AFG2A: variants seen among roughly 807,000 people sequenced by gnomAD.
AFG2A encodes the protein ATPase family gene 2 protein homolog A.
chr4:123,269,890 C>G, the AFG2A span, among the ~76,000 whole-genome samples: 87 of 152,190 alleles, frequency 5.7e-4, no homozygotes, highest in East Asian at 0.014. Flanking sequence ...CATCTCGGCT[C>G]ACGGCAACCT....
At chr4:123,181,140 G>A in the AFG2A span, among the ~76,000 whole-genome samples, 6 of 151,818 alleles carry the variant, frequency 4.0e-5, no homozygotes, top group Non-Finnish European at 7.4e-5. Context: ...ACCCGCCACC[G>A]CGCCTGGCTA....
At chr4:123,102,846 A>G in the AFG2A span, among the ~76,000 whole-genome samples, 2 of 132,514 alleles carry the variant, frequency 1.5e-5, no homozygotes, top group African/African-American at 5.8e-5. Context: ...GTGGTGTCAA[A>G]AAAGTATCTG....
the AFG2A span, among the ~76,000 whole-genome samples, chr4:123,246,513 A>G: frequency 6.6e-6 from 1 of 152,120 alleles, no homozygotes; most frequent in Non-Finnish European, 1.5e-5. Flanking sequence ...TAATGTAATT[A>G]TACCTGTGGA....
chr4:123,013,095 T>G, the AFG2A span, among the ~76,000 whole-genome samples: 1 of 151,400 alleles, frequency 6.6e-6, no homozygotes, highest in African/African-American at 2.4e-5. Context: ...AGGATTTGGG[T>G]AGGTAAAGGA....
the AFG2A span, among the ~76,000 whole-genome samples, chr4:122,962,980 A>C: frequency 2.6e-5 from 4 of 152,234 alleles, no homozygotes; most frequent in African/African-American, 9.6e-5. Flanking sequence ...TAGGTTTTGA[A>C]GATGAGGACA....
chr4:123,079,008 ATGT>A, the AFG2A span, among the ~76,000 whole-genome samples: 2 of 152,076 alleles, frequency 1.3e-5, no homozygotes, highest in Non-Finnish European at 1.5e-5. Context: ...TTGAGAAGTT[ATGT>A]TGTTATTACT....
the AFG2A span, among the ~76,000 whole-genome samples, chr4:123,305,219 C>G: frequency 5.3e-5 from 8 of 152,104 alleles, no homozygotes; most frequent in Non-Finnish European, 1.2e-4. Context: ...CCTTTGTTAC[C>G]CTTCCACCTT....
At chr4:123,064,781 A>G in the AFG2A span, among the ~76,000 whole-genome samples, 1 of 152,324 alleles carries the variant, frequency 6.6e-6, no homozygotes, top group African/African-American at 2.4e-5. Flanking sequence ...CCAAACTTCA[A>G]GTAGGACTAG....
chr4:123,101,107 A>T, the AFG2A span, among the ~76,000 whole-genome samples: 3 of 152,072 alleles, frequency 2.0e-5, no homozygotes, highest in African/African-American at 7.2e-5. Context: ...TATATATCTT[A>T]AATACCAAGA....
the AFG2A span, among the ~76,000 whole-genome samples, chr4:123,111,567 C>G: frequency 6.6e-6 from 1 of 152,004 alleles, no homozygotes; most frequent in African/African-American, 2.4e-5. Context: ...CTTTCTATGT[C>G]TTATCATGAA....
the AFG2A span, among the ~76,000 whole-genome samples, chr4:123,134,665 A>G: frequency 6.7e-6 from 1 of 149,314 alleles, no homozygotes; most frequent in Admixed American, 6.8e-5. Flanking sequence ...CAAATCATGT[A>G]ACCTAGAAAA....
chr4:123,291,452 G>T, the AFG2A span, among the ~76,000 whole-genome samples: 1 of 152,134 alleles, frequency 6.6e-6, no homozygotes, highest in Non-Finnish European at 1.5e-5. Context: ...TTATACTGGT[G>T]CATATTGACC....
At chr4:123,004,096 G>A in the AFG2A span, among the ~76,000 whole-genome samples, 17 of 152,288 alleles carry the variant, frequency 1.1e-4, no homozygotes, top group East Asian at 1.4e-3. Context: ...CTCCGTGGGC[G>A]TAGGACCCTC....
the AFG2A span, among the ~76,000 whole-genome samples, chr4:123,167,718 A>G: frequency 6.6e-6 from 1 of 152,202 alleles, no homozygotes; most frequent in East Asian, 1.9e-4. Flanking sequence ...TTCTATGAAT[A>G]TACCTACAAA....
the AFG2A span, among the ~76,000 whole-genome samples, chr4:123,053,033 C>T: frequency 6.6e-6 from 1 of 152,162 alleles, no homozygotes; most frequent in South Asian, 2.1e-4. Flanking sequence ...TCATCTTCTT[C>T]CACCTGCTTT....
chr4:123,114,353 C>T, the AFG2A span, among the ~76,000 whole-genome samples: 1 of 152,318 alleles, frequency 6.6e-6, no homozygotes, highest in African/African-American at 2.4e-5. Flanking sequence ...ACCCAGGAAC[C>T]TGTCTGCATC....
At chr4:123,204,845 C>T in the AFG2A span, among the ~76,000 whole-genome samples, 1 of 152,310 alleles carries the variant, frequency 6.6e-6, no homozygotes, top group East Asian at 1.9e-4. Context: ...ACTGGCTCTT[C>T]CCAGTTTGCA....
At chr4:122,968,558 T>C in the AFG2A span, among the ~76,000 whole-genome samples, 1 of 152,232 alleles carries the variant, frequency 6.6e-6, no homozygotes, top group African/African-American at 2.4e-5. Context: ...GGGAGCTTCA[T>C]CATTTTATTC....
the AFG2A span, among the ~76,000 whole-genome samples, chr4:123,119,907 G>A: frequency 6.6e-6 from 1 of 152,136 alleles, no homozygotes; most frequent in Non-Finnish European, 1.5e-5. Context: ...TCACAGGGCT[G>A]AAGAGAGAGA....
Sources: allele counts gnomAD v4.1 joint callset (sites outside exome capture counted in the v4.1 genomes callset), GRCh38; gene constraint gnomAD v4.1.1; transcripts MANE v1.5; gene names NCBI Gene and HGNC (gene_info 2026-07-23, HGNC 2026-07-21).